Variants in RB1CC1 observed in about 807,000 individuals in gnomAD.
RB1CC1 encodes the protein RB1 inducible coiled-coil 1, also known as RB1-inducible coiled-coil protein 1.
A neutral mutation model predicts 177.5 loss-of-function variants in RB1CC1; 46 were observed. That is an observed-to-expected ratio of 0.26 (90% CI 0.20 to 0.33). The LOEUF (loss-of-function observed/expected upper bound fraction) is 0.33. Ranked by LOEUF, RB1CC1 falls within the 10% of genes least tolerant of loss-of-function variation. The pLI is 1.00. For missense variants in RB1CC1, 1,703 were observed against 1,816.3 expected, an observed-to-expected ratio of 0.94 and a Z score of 1.13; for synonymous variants, 666 against 613.6, an observed-to-expected ratio of 1.09 and a Z score of -1.26.
At chr8:52,677,928 C>T (rs964212708) in intron 5 of RB1CC1, among the ~76,000 whole-genome samples, 4 of 151,314 alleles carry the variant, frequency 2.6e-5, no homozygotes, top group Admixed American at 6.6e-5. Flanking sequence ...GTTCTTGCAG[C>T]GCATGTAGAA....
intron 20 of RB1CC1, among the ~76,000 whole-genome samples, chr8:52,634,346 A>C (rs943431878): frequency 6.6e-6 from 1 of 152,050 alleles, no homozygotes; most frequent in Admixed American, 6.6e-5. Context: ...AAAATGGAGA[A>C]ATCCTGTCTC....
At chr8:52,709,697 C>A (rs1271553972) in intron 1 of RB1CC1, among the ~76,000 whole-genome samples, 1 of 152,210 alleles carries the variant, frequency 6.6e-6, no homozygotes, top group Non-Finnish European at 1.5e-5. Flanking sequence ...TAGATCACAC[C>A]ATTGCCTGTC....
At chr8:52,645,996 C>T (rs1037706609) in intron 15 of RB1CC1, 129 bp from the exon 16 acceptor site, 2 of 884,972 alleles carry the variant, frequency 2.3e-6, no homozygotes, top group Admixed American at 3.0e-5. Flanking sequence ...TGTGTGAACC[C>T]TCTCTTTGAA....
chr8:52,634,811 T>C (rs767553872), intron 20 of RB1CC1, 110 bp downstream of exon 20: 13 of 931,558 alleles, frequency 1.4e-5, no homozygotes, highest in East Asian at 1.3e-4. Context: ...AAACCTACTA[T>C]AGATAAGTCA....
rs367930865 is a variant in RB1CC1 at position 52,628,127 on chromosome 8, C to T, written c.4541G>A (p.Arg1514His). Residue 1514 changes from arginine to histidine, a missense_variant, in exon 22 of 24, where the codon CGC becomes CAC. By Grantham distance (29) the Arg-to-His change is conservative (BLOSUM62 0). Around this residue, in one of 6 missense-constraint regions of RB1CC1, gnomAD observed 70 missense variants for 118.0 expected, o/e 0.59. Transcript: ENST00000025008. ...GDLVLIILDERHDNYVLFTVS... is the reference protein window; with the variant it reads ...GDLVLIILDEHHDNYVLFTVS... ...AGTAAATAACACATAATTGTCATGG[C>T]GTTCGTCTAGGATGATGAGTACCAA... is the stretch of plus-strand genomic sequence containing the variant. 3.9e-5 allele frequency: 62 copies of T among 1,608,102 alleles called. 1 individual carries two copies. In the African/African-American group the frequency reaches 7.0e-4, roughly 18 times the overall value.
chr8:52,687,771 A>G (rs1337461568), intron 1 of RB1CC1, among the ~76,000 whole-genome samples: 1 of 152,216 alleles, frequency 6.6e-6, no homozygotes, highest in Non-Finnish European at 1.5e-5. Flanking sequence ...CAGAGACCCA[A>G]AAGGGCCCAG....
chr8:52,640,757 A>G (rs1014402832), intron 18 of RB1CC1, among the ~76,000 whole-genome samples: 5 of 151,868 alleles, frequency 3.3e-5, no homozygotes, highest in African/African-American at 9.7e-5. Flanking sequence ...TGATTTGCTT[A>G]ACCATGTTTT....
chr8:52,695,389 T>C (rs955170772), intron 1 of RB1CC1, among the ~76,000 whole-genome samples: 1 of 152,232 alleles, frequency 6.6e-6, no homozygotes, highest in African/African-American at 2.4e-5. Flanking sequence ...GCCTTTGCCC[T>C]TCGCTACTGG....
At chr8:52,704,953 GCCAA>G (rs1856422398) in intron 1 of RB1CC1, among the ~76,000 whole-genome samples, 1 of 152,080 alleles carries the variant, frequency 6.6e-6, no homozygotes, top group Non-Finnish European at 1.5e-5. Flanking sequence ...GTTAACACAA[GCCAA>G]TTCTAAATTA....
intron 1 of RB1CC1, among the ~76,000 whole-genome samples, chr8:52,698,655 T>C (rs1262529261): frequency 7.1e-6 from 1 of 140,890 alleles, no homozygotes; most frequent in Non-Finnish European, 1.5e-5. Context: ...ACAAAAACTG[T>C]ATATGTAATG....
intron 20 of RB1CC1, among the ~76,000 whole-genome samples, chr8:52,631,192 C>T (rs1162125731): frequency 6.6e-6 from 1 of 151,976 alleles, no homozygotes; most frequent in Non-Finnish European, 1.5e-5. Flanking sequence ...CAACTTATGA[C>T]CAGGAAGTTG....
Position 52,676,529 on chromosome 8 carries a change from C to T in RB1CC1, c.412G>A (p.Gly138Ser). 6.2e-7 allele frequency: 1 copy of T among 1,611,528 alleles called. No individual in the cohort carries two copies. The highest frequency in any genetic ancestry group is 8.5e-7 in the Non-Finnish European group (1 of 1,179,408). ...TGAAGATGTTCATCATGTACAAGAC[C>T]TTCACAAAAAGAACAAAGTTTCTTG... ...VAKKLCSFCE[G>S]LVHDEHLQHQ... Residue 138 changes from glycine to serine, a missense_variant, in exon 6 of 24, where the codon GGT (glycine) becomes AGT (serine). By Grantham distance (56) the Gly-to-Ser change is moderately conservative. Coordinates refer to ENST00000025008, the MANE Select transcript of RB1CC1 (RefSeq NM_014781.5).
At chr8:52,712,514 A>C (rs1210701946) in intron 1 of RB1CC1, among the ~76,000 whole-genome samples, 2 of 151,706 alleles carry the variant, frequency 1.3e-5, no homozygotes, top group African/African-American at 4.8e-5. Context: ...AAAAAAAAAA[A>C]AACTCAGGGA....
Position 52,674,001 on chromosome 8 carries a change from A to C in RB1CC1, c.846T>G (p.Cys282Trp). The change falls in exon 7 of 24, where the codon TGT (cysteine) becomes TGG (tryptophan). Residue 282 changes from cysteine to tryptophan, a missense_variant. Cys to Trp is a radical substitution (Grantham distance 215). Transcript: ENST00000025008. ...CATCTTGCTGATGAACAGTACTTTG[A>C]CAAGATTCCCTAATTTCTTTGCCAC... Reference protein sequence around the residue: ...AESGKEIRESCQSTVHQQDET... With the variant: ...AESGKEIRESWQSTVHQQDET... The C allele has an allele frequency of 6.2e-7, 1 of 1,614,186 alleles. No individual in the cohort carries two copies. Among genetic ancestry groups the C allele is most frequent in the South Asian group, 1.1e-5 (1 of 91,080 alleles).
At chr8:52,673,815 C>T (rs746674689) in intron 7 of RB1CC1, 30 bp downstream of exon 7, 26 of 1,547,646 alleles carry the variant, frequency 1.7e-5, no homozygotes, top group Non-Finnish European at 2.2e-5. Flanking sequence ...AGTAAAATGA[C>T]AAAACAAACA....
At position 52,676,500 on chromosome 8, in the gene RB1CC1, G is replaced by A. The variant is rs1853141433; in HGVS notation, c.441C>T (p.His147=). The A allele has an allele frequency of 6.2e-7, 1 of 1,613,510 alleles. No homozygotes were observed. Among genetic ancestry groups the A allele is most frequent in the African/African-American group, 1.3e-5 (1 of 74,908 alleles). The change falls in exon 6 of 24, where the codon CAC becomes CAT. Residue 147 remains histidine, a synonymous_variant. Coordinates refer to ENST00000025008, the MANE Select transcript of RB1CC1 (RefSeq NM_014781.5). ...EGLVHDEHLQ[H]QGWAAIMANL... ...TGGCCATGATTGCAGCCCAGCCTTGGTGTTGAAGATGTTCATCATGTACAA... is the reference window on the plus strand; with the variant it reads ...TGGCCATGATTGCAGCCCAGCCTTGATGTTGAAGATGTTCATCATGTACAA...
Position 52,681,990 on chromosome 8 carries a change from A to G in RB1CC1, c.369+1559T>C, listed in dbSNP as rs1054328616. Among the ~76,000 whole-genome samples the G allele has an allele frequency of 3.3e-5, 5 of 152,182 alleles. No homozygotes were observed. The South Asian group carries it at 1.0e-3, about 31-fold the overall frequency. ...GGCACTCCCTAGTGGAGCTCTGAGA[A>G]GAGGGTCACGGTCCTCCAGACCCCA... On this transcript the variant is annotated intron_variant, in intron 5 of 23. Transcript: ENST00000025008.
chr8:52,708,796 G>A (rs575035916), intron 1 of RB1CC1, among the ~76,000 whole-genome samples: 35 of 152,122 alleles, frequency 2.3e-4, no homozygotes, highest in Non-Finnish European at 3.8e-4. Context: ...ATATTGATCC[G>A]ACAGGGTGGT....
intron 1 of RB1CC1, among the ~76,000 whole-genome samples, chr8:52,708,614 T>A (rs1048695504): frequency 6.6e-6 from 1 of 152,190 alleles, no homozygotes; most frequent in African/African-American, 2.4e-5. Flanking sequence ...TAGTATTCTT[T>A]CTCCTTTCTC....
Sources: allele counts gnomAD v4.1 joint callset (sites outside exome capture counted in the v4.1 genomes callset), GRCh38; gene constraint gnomAD v4.1.1; regional missense constraint gnomAD v4.1.1; transcripts MANE v1.5; gene names NCBI Gene and HGNC (gene_info 2026-07-23, HGNC 2026-07-21).